Variants in GALNTL6 observed in about 807,000 individuals in gnomAD.
GALNTL6 encodes the protein polypeptide N-acetylgalactosaminyltransferase-like 6.
GALNTL6 carries 46 observed loss-of-function variants against 73.7 expected under a neutral mutation model. The ratio of observed to expected loss-of-function variants is 0.62; its 90% CI spans 0.49 to 0.80. The LOEUF (loss-of-function observed/expected upper bound fraction) is 0.80. Among genes scored for constraint, GALNTL6 ranks in the 30% least tolerant of loss-of-function variants. The pLI is 0.00. For missense variants in GALNTL6, 604 were observed against 755.0 expected (o/e 0.80, Z 2.34); for synonymous variants, 259 against 263.7 (o/e 0.98, Z 0.17).
chr4:172,557,279 C>A (rs879715690), intron 5 of GALNTL6, among the ~76,000 whole-genome samples: 2 of 152,082 alleles, frequency 1.3e-5, no homozygotes, highest in Non-Finnish European at 2.9e-5. Flanking sequence ...GTAGTTTCCT[C>A]ATACATTAAA....
At chr4:172,519,991 C>T (rs1734725066) in intron 5 of GALNTL6, among the ~76,000 whole-genome samples, 1 of 151,750 alleles carries the variant, frequency 6.6e-6, no homozygotes, top group African/African-American at 2.4e-5. Context: ...ATAGTGCAAA[C>T]TCATAAAAGA....
chr4:172,847,228 A>G (rs1743561006), intron 7 of GALNTL6, among the ~76,000 whole-genome samples: 1 of 152,044 alleles, frequency 6.6e-6, no homozygotes, highest in African/African-American at 2.4e-5. Context: ...TGAAGACTTT[A>G]TTAAAGAGAA....
intron 5 of GALNTL6, among the ~76,000 whole-genome samples, chr4:172,706,208 G>A (rs1430189089): frequency 6.6e-6 from 1 of 151,514 alleles, no homozygotes; most frequent in Non-Finnish European, 1.5e-5. Context: ...CAGATCACTG[G>A]TTATTTCTTC....
intron 5 of GALNTL6, among the ~76,000 whole-genome samples, chr4:172,779,165 T>C (rs1739242027): frequency 6.6e-6 from 1 of 152,186 alleles, no homozygotes. Flanking sequence ...AGTATTTGTC[T>C]AATGAATGAA....
At chr4:172,308,536 A>C (rs775916204) in intron 3 of GALNTL6, among the ~76,000 whole-genome samples, 27 of 152,128 alleles carry the variant, frequency 1.8e-4, no homozygotes, top group East Asian at 1.9e-4. Flanking sequence ...GGTTTTCATC[A>C]TAAAGGGATG....
intron 7 of GALNTL6, among the ~76,000 whole-genome samples, chr4:172,834,379 G>A (rs1742799149): frequency 6.6e-6 from 1 of 152,202 alleles, no homozygotes; most frequent in African/African-American, 2.4e-5. Flanking sequence ...GAGTATGGAT[G>A]GCGTTGCCCA....
chr4:172,554,017 C>G (rs1427824732), intron 5 of GALNTL6, among the ~76,000 whole-genome samples: 1 of 152,032 alleles, frequency 6.6e-6, no homozygotes, highest in Non-Finnish European at 1.5e-5. Flanking sequence ...AACAAGTGAA[C>G]CTGTCTCAAA....
chr4:172,625,608 T>C (rs1739136410), intron 5 of GALNTL6, among the ~76,000 whole-genome samples: 1 of 152,122 alleles, frequency 6.6e-6, no homozygotes, highest in Non-Finnish European at 1.5e-5. Context: ...CAAACTGCTT[T>C]CCACAGTGGC....
At chr4:172,753,113 A>G (rs567435796) in intron 5 of GALNTL6, among the ~76,000 whole-genome samples, 1 of 152,276 alleles carries the variant, frequency 6.6e-6, no homozygotes, top group Non-Finnish European at 1.5e-5. Context: ...CCAGGTAGAG[A>G]TAACTGAATC....
chr4:172,175,967 A>G (rs1734976976), intron 2 of GALNTL6, among the ~76,000 whole-genome samples: 1 of 152,210 alleles, frequency 6.6e-6, no homozygotes, highest in African/African-American at 2.4e-5. Context: ...TGAATAAATG[A>G]TGGATTGACT....
intron 3 of GALNTL6, among the ~76,000 whole-genome samples, chr4:172,280,311 A>G (rs972808519): frequency 3.3e-5 from 5 of 152,168 alleles, no homozygotes; most frequent in African/African-American, 9.6e-5. Flanking sequence ...ACAGAAACCA[A>G]TGGAAGAACT....
At chr4:173,003,506 T>C (rs1752138089) in intron 10 of GALNTL6, among the ~76,000 whole-genome samples, 1 of 152,158 alleles carries the variant, frequency 6.6e-6, no homozygotes, top group Non-Finnish European at 1.5e-5. Flanking sequence ...TCACAGACAA[T>C]TCAGCCAAAA....
At chr4:172,526,135 C>A (rs1734944855) in intron 5 of GALNTL6, among the ~76,000 whole-genome samples, 1 of 152,064 alleles carries the variant, frequency 6.6e-6, no homozygotes, top group Non-Finnish European at 1.5e-5. Context: ...AATAATAAGT[C>A]CTAGTATAAC....
chr4:172,921,793 CA>C (rs370693087), intron 8 of GALNTL6, among the ~76,000 whole-genome samples: 2,474 of 58,542 alleles, frequency 0.042, 19 homozygotes, highest in African/African-American at 0.083. Flanking sequence ...GACCTTGTCT[CA>C]AAAAAAAAAA....
chr4:172,018,822 T>C (rs1230180901), intron 2 of GALNTL6, among the ~76,000 whole-genome samples: 2 of 152,100 alleles, frequency 1.3e-5, no homozygotes, highest in East Asian at 1.9e-4. Context: ...CCCTACTTAA[T>C]TGTGCTGGCT....
At chr4:172,876,713 G>T (rs1433484445) in intron 7 of GALNTL6, among the ~76,000 whole-genome samples, 1 of 152,036 alleles carries the variant, frequency 6.6e-6, no homozygotes, top group African/African-American at 2.4e-5. Context: ...TTCTAGACAT[G>T]AATTATACAA....
intron 2 of GALNTL6, among the ~76,000 whole-genome samples, chr4:171,980,443 A>G (rs1332262225): frequency 1.3e-5 from 2 of 152,204 alleles, no homozygotes; most frequent in Admixed American, 6.5e-5. Flanking sequence ...GAGATGGAGA[A>G]ATGAAGCAAC....
intron 3 of GALNTL6, among the ~76,000 whole-genome samples, chr4:172,258,841 A>G (rs1738166782): frequency 6.6e-6 from 1 of 151,258 alleles, no homozygotes. Flanking sequence ...GTGAGAACAT[A>G]CAACATTTGA....
intron 2 of GALNTL6, among the ~76,000 whole-genome samples, chr4:172,183,804 T>TC (rs1434153789): frequency 6.6e-6 from 1 of 151,308 alleles, no homozygotes. Context: ...CTTTTTTTTT[T>TC]TTTTTTTGAG....
Sources: gnomAD v4.1 joint callset for allele counts (sites outside exome capture counted in the v4.1 genomes callset) on GRCh38, gnomAD v4.1.1 for gene constraint, MANE v1.5 for transcripts, NCBI Gene and HGNC (gene_info 2026-07-23, HGNC 2026-07-21) for gene names.